The following PDE1A variants were observed in gnomAD, a reference collection of about 807,000 sequenced individuals.
The protein encoded by PDE1A is dual specificity calcium/calmodulin-dependent 3',5'-cyclic nucleotide phosphodiesterase 1A.
A neutral mutation model predicts 61.7 loss-of-function variants in PDE1A; 35 were observed. The observed-to-expected ratio is 0.57, with a 90% CI of 0.43 to 0.75. The LOEUF (loss-of-function observed/expected upper bound fraction) is 0.75, where lower values mean the gene tolerates loss of function less well. PDE1A is among the 30% of genes least tolerant of loss of function. The pLI, the probability that PDE1A is intolerant of heterozygous loss-of-function variation, is 0.00. For synonymous variants in PDE1A, 232 were observed against 213.2 expected (o/e 1.09, Z -0.77); for missense variants, 597 against 630.6 (o/e 0.95, Z 0.57).
At chr2:182,520,735 C>T (rs1690512018) in intron 2 of PDE1A, among the ~76,000 whole-genome samples, 1 of 151,938 alleles carries the variant, frequency 6.6e-6, no homozygotes, top group African/African-American at 2.4e-5. Context: ...ATAAGCAAAA[C>T]ATCCTTCTAA....
intron 1 of PDE1A, among the ~76,000 whole-genome samples, chr2:182,397,261 C>G (rs1245638316): frequency 6.6e-6 from 1 of 151,902 alleles, no homozygotes; most frequent in Non-Finnish European, 1.5e-5. Context: ...ACAGAAATAA[C>G]AAAATTTACA....
the PDE1A span, among the ~76,000 whole-genome samples, chr2:182,564,536 G>A: frequency 6.6e-6 from 1 of 152,084 alleles, no homozygotes; most frequent in Non-Finnish European, 1.5e-5. Context: ...ATGTCTTGGA[G>A]TTGCTCTTCT....
intron 13 of PDE1A, among the ~76,000 whole-genome samples, chr2:182,157,339 A>C (rs1039164451): frequency 3.9e-5 from 6 of 152,060 alleles, no homozygotes; most frequent in Non-Finnish European, 5.9e-5. Context: ...GTGACTCTCC[A>C]TCCTGAAACA....
chr2:182,672,450 C>G, the PDE1A span, among the ~76,000 whole-genome samples: 1 of 152,148 alleles, frequency 6.6e-6, no homozygotes, highest in Admixed American at 6.5e-5. Flanking sequence ...AGTTAGTATT[C>G]ACACAAAAGG....
the PDE1A span, among the ~76,000 whole-genome samples, chr2:182,626,814 C>A: frequency 1.1e-4 from 2 of 17,896 alleles, no homozygotes; most frequent in South Asian, 1.8e-3. Context: ...TATATATATA[C>A]ATATATATAT....
intron 1 of PDE1A, among the ~76,000 whole-genome samples, chr2:182,326,324 T>C (rs1373666656): frequency 1.3e-5 from 2 of 152,170 alleles, no homozygotes; most frequent in Admixed American, 6.5e-5. Flanking sequence ...CAAATGTCCA[T>C]TGATGAATTT....
intron 4 of PDE1A, among the ~76,000 whole-genome samples, chr2:182,233,405 C>G (rs1471273335): frequency 1.3e-5 from 2 of 152,006 alleles, no homozygotes; most frequent in African/African-American, 4.8e-5. Context: ...ATCTAGTGTC[C>G]CCTCTGATCT....
intron 7 of PDE1A, among the ~76,000 whole-genome samples, chr2:182,207,511 T>C (rs1165525991): frequency 2.0e-5 from 3 of 152,226 alleles, no homozygotes; most frequent in Non-Finnish European, 2.9e-5. Flanking sequence ...TATGCTCATT[T>C]GCATAAAGAA....
intron 7 of PDE1A, among the ~76,000 whole-genome samples, chr2:182,208,212 T>C (rs953014153): frequency 5.9e-5 from 9 of 152,128 alleles, no homozygotes. Context: ...AGATAGTACC[T>C]GAGGCTGGGT....
chr2:182,644,263 C>CTGTGTGAGTGTGTGTGTGTGTGTGTG, the PDE1A span, among the ~76,000 whole-genome samples: 1 of 123,044 alleles, frequency 8.1e-6, no homozygotes, highest in African/African-American at 3.1e-5. Flanking sequence ...TCTTAAGACT[C>CTGTGTGAGTGTGTGTGTGTGTGTGTG]TGTGTGTGTG....
chr2:182,467,560 C>T (rs1437181616), intron 2 of PDE1A, among the ~76,000 whole-genome samples: 2 of 151,768 alleles, frequency 1.3e-5, no homozygotes, highest in African/African-American at 2.4e-5. Context: ...TTTATTAAGC[C>T]AGAATTATCC....
intron 1 of PDE1A, among the ~76,000 whole-genome samples, chr2:182,329,039 T>C (rs577939600): frequency 6.6e-6 from 1 of 152,308 alleles, no homozygotes; most frequent in East Asian, 1.9e-4. Flanking sequence ...TAAAGTGGTC[T>C]AAGTAATAAC....
At chr2:182,520,400 A>G (rs1019966132) in intron 2 of PDE1A, among the ~76,000 whole-genome samples, 4 of 151,950 alleles carry the variant, frequency 2.6e-5, no homozygotes. Context: ...AAAAGAAAGA[A>G]AGAAAGAAAC....
At chr2:182,494,587 G>GA (rs34957815) in intron 2 of PDE1A, among the ~76,000 whole-genome samples, 117,751 of 152,084 alleles carry the variant, frequency 0.77, 45,897 homozygotes, top group East Asian at 0.96. Context: ...ACCCCTGGAT[G>GA]AATCCACCTC....
the PDE1A span, among the ~76,000 whole-genome samples, chr2:182,537,402 A>C: frequency 3.3e-5 from 5 of 152,206 alleles, no homozygotes; most frequent in African/African-American, 1.2e-4. Flanking sequence ...ATAGGAGCAG[A>C]AAACCAAACA....
At chr2:182,490,050 C>G (rs1359725376) in intron 2 of PDE1A, among the ~76,000 whole-genome samples, 3 of 56,488 alleles carry the variant, frequency 5.3e-5, no homozygotes, top group Non-Finnish European at 1.1e-4. Context: ...AGATGGAGAA[C>G]CAATAAAGTG....
chr2:182,471,295 T>C (rs12693308), intron 2 of PDE1A, among the ~76,000 whole-genome samples: 98,363 of 151,444 alleles, frequency 0.65, 32,904 homozygotes, highest in East Asian at 0.95. Context: ...AAAATATGAA[T>C]AAGAAGCTTT....
At chr2:182,515,970 G>GTTTC (rs1224447816) in intron 2 of PDE1A, among the ~76,000 whole-genome samples, 2 of 142,574 alleles carry the variant, frequency 1.4e-5, no homozygotes, top group Non-Finnish European at 3.1e-5. Context: ...GTGTGTGTGT[G>GTTTC]TGTGTGTGTG....
chr2:182,407,734 C>A (rs1358042156), intron 1 of PDE1A, among the ~76,000 whole-genome samples: 1 of 152,132 alleles, frequency 6.6e-6, no homozygotes, highest in Non-Finnish European at 1.5e-5. Context: ...GACCAAAAAA[C>A]AGAACTTGAC....
Sources: allele counts gnomAD v4.1 joint callset (sites outside exome capture counted in the v4.1 genomes callset), GRCh38; gene constraint gnomAD v4.1.1; transcripts MANE v1.5; gene names NCBI Gene and HGNC (gene_info 2026-07-23, HGNC 2026-07-21).